SAMD12: variants seen among roughly 807,000 people sequenced by gnomAD.
The protein encoded by SAMD12 is sterile alpha motif domain containing 12.
A neutral mutation model predicts 15.0 loss-of-function variants in SAMD12; 9 were observed. The observed-to-expected ratio is 0.60, with a 90% CI of 0.36 to 1.05. SAMD12 has a LOEUF of 1.05. Among genes scored for constraint, SAMD12 ranks in the 50% least tolerant of loss-of-function variants. SAMD12 has a pLI of 0.01. For synonymous variants in SAMD12, 86 were observed against 90.1 expected (o/e 0.96, Z 0.25); for missense variants, 230 against 234.2 (o/e 0.98, Z 0.12).
At chr8:118,450,413 A>G (rs1490277985) in intron 2 of SAMD12, among the ~76,000 whole-genome samples, 1 of 152,208 alleles carries the variant, frequency 6.6e-6, no homozygotes, top group African/African-American at 2.4e-5. Flanking sequence ...GTCTTAGTAC[A>G]GCAGGAAAAC....
intron 4 of SAMD12, among the ~76,000 whole-genome samples, chr8:118,274,768 T>C (rs915435234): frequency 2.0e-5 from 3 of 152,218 alleles, no homozygotes; most frequent in Admixed American, 2.0e-4. Context: ...TTCATCCATG[T>C]GGACAAACAC....
intron 4 of SAMD12, among the ~76,000 whole-genome samples, chr8:118,353,351 C>G (rs1818057017): frequency 6.6e-6 from 1 of 151,252 alleles, no homozygotes; most frequent in African/African-American, 2.4e-5. Flanking sequence ...TATGTTGAAG[C>G]CTTAATTCCC....
At chr8:118,277,462 G>A (rs1476047651) in intron 4 of SAMD12, among the ~76,000 whole-genome samples, 1 of 151,844 alleles carries the variant, frequency 6.6e-6, no homozygotes, top group East Asian at 1.9e-4. Flanking sequence ...CATCTTGCCA[G>A]AAACAGAAGA....
intron 3 of SAMD12, chr8:118,395,076 T>A (rs1183926425): frequency 6.6e-6 from 1 of 152,136 alleles, no homozygotes. Flanking sequence ...TTATGAAGAT[T>A]AAATTAATTA....
intron 3 of SAMD12, among the ~76,000 whole-genome samples, chr8:118,397,569 CT>C (rs936869761): frequency 2.0e-5 from 3 of 152,094 alleles, no homozygotes; most frequent in Non-Finnish European, 2.9e-5. Flanking sequence ...GGGTAGATAT[CT>C]TTTGTTTGAC....
intron 4 of SAMD12, among the ~76,000 whole-genome samples, chr8:118,219,282 G>C (rs578043836): frequency 6.6e-6 from 1 of 152,346 alleles, no homozygotes; most frequent in East Asian, 1.9e-4. Context: ...CTAGAGGAGA[G>C]AGACTATGCC....
At chr8:118,467,587 A>G (rs1446182912) in intron 2 of SAMD12, among the ~76,000 whole-genome samples, 1 of 152,170 alleles carries the variant, frequency 6.6e-6, no homozygotes, top group Non-Finnish European at 1.5e-5. Context: ...CATAAAATAC[A>G]CAATAGCAAG....
chr8:118,551,337 T>C (rs947485683), intron 2 of SAMD12, among the ~76,000 whole-genome samples: 17 of 152,140 alleles, frequency 1.1e-4, no homozygotes, highest in Admixed American at 5.9e-4. Flanking sequence ...TCTCAGACCA[T>C]AGTGCAATCA....
chr8:118,229,800 G>A (rs1301912506), intron 4 of SAMD12, among the ~76,000 whole-genome samples: 2 of 152,020 alleles, frequency 1.3e-5, no homozygotes, highest in Admixed American at 6.6e-5. Context: ...AGACTTCCCC[G>A]GAATGAGAGG....
intron 3 of SAMD12, among the ~76,000 whole-genome samples, chr8:118,413,336 A>G (rs1821511365): frequency 6.6e-6 from 1 of 152,200 alleles, no homozygotes; most frequent in African/African-American, 2.4e-5. Flanking sequence ...TCATAAAAAC[A>G]CTGTGTTTCT....
At chr8:118,295,945 A>G (rs576135034) in intron 4 of SAMD12, among the ~76,000 whole-genome samples, 2 of 152,264 alleles carry the variant, frequency 1.3e-5, no homozygotes, top group East Asian at 1.9e-4. Flanking sequence ...CAACTGGTCA[A>G]TTGAGCATTT....
intron 2 of SAMD12, among the ~76,000 whole-genome samples, chr8:118,449,509 GA>G (rs1041407702): frequency 1.3e-5 from 2 of 151,694 alleles, no homozygotes; most frequent in South Asian, 2.1e-4. Context: ...GGCATAGGAA[GA>G]GGACAAAAGT....
intron 2 of SAMD12, among the ~76,000 whole-genome samples, chr8:118,542,951 T>C (rs766448182): frequency 7.0e-6 from 1 of 142,790 alleles, no homozygotes; most frequent in African/African-American, 2.6e-5. Context: ...GAAGCCAACA[T>C]AGACATAAAA....
intron 2 of SAMD12, among the ~76,000 whole-genome samples, chr8:118,500,865 A>G (rs989177069): frequency 6.6e-6 from 1 of 152,158 alleles, no homozygotes; most frequent in Non-Finnish European, 1.5e-5. Context: ...ATTTTACCTT[A>G]TATTTATATG....
chr8:118,366,881 T>TAAAAAAATAA (rs1372250393), intron 4 of SAMD12, among the ~76,000 whole-genome samples: 1 of 52,356 alleles, frequency 1.9e-5, no homozygotes, highest in African/African-American at 6.2e-5. Context: ...TAAAATAAAA[T>TAAAAAAATAA]AATAAAATAA....
chr8:118,340,449 T>C (rs990975144), intron 4 of SAMD12, among the ~76,000 whole-genome samples: 4 of 152,164 alleles, frequency 2.6e-5, no homozygotes, highest in Non-Finnish European at 5.9e-5. Flanking sequence ...TACATATATG[T>C]ATATATGTAT....
At chr8:118,517,161 A>G (rs1229196390) in intron 2 of SAMD12, among the ~76,000 whole-genome samples, 1 of 152,194 alleles carries the variant, frequency 6.6e-6, no homozygotes, top group Non-Finnish European at 1.5e-5. Flanking sequence ...AAGGGGGTAT[A>G]AGATATCCTA....
chr8:118,592,848 G>C (rs1415731793), intron 1 of SAMD12, among the ~76,000 whole-genome samples: 1 of 152,128 alleles, frequency 6.6e-6, no homozygotes, highest in African/African-American at 2.4e-5. Context: ...AAATTCTCTT[G>C]AAGGTTCTGT....
chr8:118,269,253 TG>T (rs1563723629), intron 4 of SAMD12, among the ~76,000 whole-genome samples: 19 of 149,336 alleles, frequency 1.3e-4, no homozygotes, highest in African/African-American at 4.5e-4. Flanking sequence ...TGTGTGTGTG[TG>T]TGTGTGTAAG....
Sources: allele counts gnomAD v4.1 joint callset (sites outside exome capture counted in the v4.1 genomes callset), GRCh38; gene constraint gnomAD v4.1.1; transcripts MANE v1.5; gene names NCBI Gene and HGNC (gene_info 2026-07-23, HGNC 2026-07-21).